The following MAGI1 variants were observed in gnomAD, a reference collection of about 807,000 sequenced individuals.
MAGI1 encodes the protein membrane-associated guanylate kinase, WW and PDZ domain-containing protein 1.
In MAGI1, 58 loss-of-function variants were observed where a neutral mutation model predicts 139.9. That is an observed-to-expected ratio of 0.41 (90% CI 0.34 to 0.52). The LOEUF (loss-of-function observed/expected upper bound fraction) is 0.52. Among genes scored for constraint, MAGI1 ranks in the 20% least tolerant of loss-of-function variants. MAGI1 has a pLI of 0.12. For synonymous variants in MAGI1, 812 were observed against 737.9 expected, an observed-to-expected ratio of 1.10 and a Z score of -1.63; for missense variants, 1,874 against 1,901.6, an observed-to-expected ratio of 0.99 and a Z score of 0.27.
At chr3:65,363,966 T>C (rs1285326295) in intron 20 of MAGI1, among the ~76,000 whole-genome samples, 1 of 152,032 alleles carries the variant, frequency 6.6e-6, no homozygotes, top group Non-Finnish European at 1.5e-5. Context: ...GTGCCCATCA[T>C]GAGGATACCA....
rs146306962 is a variant in MAGI1, at chr3:65,430,109, A to G, written c.1578T>C (p.Cys526=). The change falls in exon 12 of 23, where the codon TGT becomes TGC. Residue 526 remains cysteine, a synonymous_variant. Coordinates refer to ENST00000402939, the MANE Select transcript of MAGI1 (RefSeq NM_001033057.2). ...GDVIVSVNDT[C]VLGHTHAQVV... ...CTTGAGCATGTGTGTGTCCCAAAACACAGGTGTCATTCACACTTACAATCA... is the reference window on the plus strand; with the variant it reads ...CTTGAGCATGTGTGTGTCCCAAAACGCAGGTGTCATTCACACTTACAATCA... 87 of 1,613,512 alleles carry G rather than the reference A, an allele frequency of 5.4e-5. No homozygotes were observed. Among genetic ancestry groups the G allele is most frequent in the Non-Finnish European group, 6.7e-5 (79 of 1,179,720 alleles).
intron 1 of MAGI1, among the ~76,000 whole-genome samples, chr3:65,692,734 G>C (rs927621376): frequency 2.0e-5 from 3 of 152,124 alleles, no homozygotes; most frequent in Non-Finnish European, 2.9e-5. Flanking sequence ...GTTATCGAGG[G>C]AGTGGGTGAG....
intron 1 of MAGI1, among the ~76,000 whole-genome samples, chr3:65,821,675 A>G (rs572325841): frequency 3.3e-5 from 5 of 152,310 alleles, no homozygotes; most frequent in African/African-American, 1.2e-4. Context: ...ATCACTCCGA[A>G]CCTACAGCCA....
intron 1 of MAGI1, among the ~76,000 whole-genome samples, chr3:65,666,743 T>G (rs372266590): frequency 6.6e-6 from 1 of 152,184 alleles, no homozygotes. Context: ...CTCCCCCTCA[T>G]GGCCATCTCC....
intron 1 of MAGI1, among the ~76,000 whole-genome samples, chr3:65,677,165 G>C (rs1448911024): frequency 1.3e-5 from 2 of 152,176 alleles, no homozygotes; most frequent in Non-Finnish European, 2.9e-5. Context: ...TTAGAGTTCA[G>C]ACTAGGCTAA....
At position 65,478,593 on chromosome 3, in the gene MAGI1, T is replaced by C. The variant is rs1162757820; in HGVS notation, c.756A>G (p.Thr252=). The C allele has an allele frequency of 1.2e-6, 2 of 1,613,754 alleles. No individual in the cohort carries two copies. ...AGGGCAACATGATCTGACCTTTACCTGTAAAGCTGCTGTTCATTTCAGGAA... is the reference window on the plus strand; with the variant it reads ...AGGGCAACATGATCTGACCTTTACCCGTAAAGCTGCTGTTCATTTCAGGAA... ...DDVPEMNSSF[T]ADSGEQEEHT... is the part of the protein sequence containing the mutation. The change falls in exon 4 of 23, where the codon ACA becomes ACG. Residue 252 remains threonine, a splice_region_variant and synonymous_variant. Transcript: ENST00000402939.
chr3:65,656,162 G>GAA (rs573188687), intron 1 of MAGI1, among the ~76,000 whole-genome samples: 1 of 146,496 alleles, frequency 6.8e-6, no homozygotes, highest in Non-Finnish European at 1.5e-5. Context: ...TGTTAAATTT[G>GAA]AAAAAAAAAA....
rs141936603 is a variant in MAGI1, at chr3:65,367,523, A to C, written c.3197-2577T>G. Among the ~76,000 whole-genome samples, 81 of 152,262 alleles carry C rather than the reference A, an allele frequency of 5.3e-4. No homozygotes were observed. In the East Asian group the frequency reaches 0.013, roughly 24 times the overall value. On this transcript the variant is annotated intron_variant, in intron 18 of 22. Transcript: ENST00000402939. ...ATTTTCCTCATTTGTTGTTTATCTT[A>C]ATCTATGAAGCACCACCATTTAAGG...
At chr3:65,693,641 C>T (rs2088874979) in intron 1 of MAGI1, among the ~76,000 whole-genome samples, 1 of 152,168 alleles carries the variant, frequency 6.6e-6, no homozygotes, top group African/African-American at 2.4e-5. Context: ...CCAAAGGCGG[C>T]CTGATCCAAG....
intron 18 of MAGI1, among the ~76,000 whole-genome samples, chr3:65,374,258 C>G (rs925740281): frequency 1.3e-5 from 2 of 150,460 alleles, no homozygotes; most frequent in African/African-American, 4.9e-5. Flanking sequence ...AGTGAATATT[C>G]AGGAACTAAT....
chr3:65,492,895 G>C (rs570886395), intron 3 of MAGI1, among the ~76,000 whole-genome samples: 12 of 152,038 alleles, frequency 7.9e-5, no homozygotes, highest in African/African-American at 2.9e-4. Context: ...TGGCTAACAC[G>C]GTGAAACCCT....
intron 1 of MAGI1, among the ~76,000 whole-genome samples, chr3:65,843,497 A>C (rs2058880765): frequency 6.6e-6 from 1 of 152,234 alleles, no homozygotes; most frequent in Non-Finnish European, 1.5e-5. Context: ...AAACTTGTGG[A>C]GTAAAGTAAA....
chr3:65,883,839 G>A lies in MAGI1; in HGVS notation c.313+154157C>T, dbSNP rs1024464028. On this transcript the variant is annotated intron_variant, in intron 1 of 22. Transcript: ENST00000402939. ...GTGTACACATGAATTGCCTGTGGGCGTTTTGCAAAATGTCACTCCCCCGAA... is the reference window on the plus strand; with the variant it reads ...GTGTACACATGAATTGCCTGTGGGCATTTTGCAAAATGTCACTCCCCCGAA... Among the ~76,000 whole-genome samples, 6 of 152,252 alleles carry A rather than the reference G, an allele frequency of 3.9e-5. No individual in the cohort carries two copies. In the East Asian group the frequency reaches 5.8e-4, roughly 15 times the overall value.
intron 1 of MAGI1, among the ~76,000 whole-genome samples, chr3:65,983,390 TC>T (rs1560080554): frequency 6.6e-6 from 1 of 152,188 alleles, no homozygotes; most frequent in Non-Finnish European, 1.5e-5. Flanking sequence ...AATGAGACTC[TC>T]CGAGGCCTCT....
chr3:65,705,418 A>C (rs972285682), intron 1 of MAGI1, among the ~76,000 whole-genome samples: 21 of 152,230 alleles, frequency 1.4e-4, no homozygotes, highest in African/African-American at 5.1e-4. Flanking sequence ...TTATCCCTTA[A>C]AAAAGCAACT....
At chr3:65,514,253 G>C (rs1445934213) in intron 2 of MAGI1, among the ~76,000 whole-genome samples, 1 of 147,646 alleles carries the variant, frequency 6.8e-6, no homozygotes. Flanking sequence ...CATGGGCAAG[G>C]ACTTCATGTC....
chr3:65,354,037 A>G lies in MAGI1; in HGVS notation c.*2341T>C, dbSNP rs1940099093. ...GTTAACTTCAGGATATATTCCCAAA[A>G]TCCACCTTGATTTCATTTATTTAAA... On this transcript the variant is annotated 3_prime_UTR_variant, in exon 23 of 23. Transcript: ENST00000402939. 6.6e-6 allele frequency: 1 copy of G among 152,198 alleles called. No homozygotes were observed. The highest frequency in any genetic ancestry group is 1.5e-5 in the Non-Finnish European group (1 of 68,030). The allele number at this position is 152,198 out of a possible 1,614,324, so 9.4% of individuals were successfully genotyped here.
intron 1 of MAGI1, among the ~76,000 whole-genome samples, chr3:65,684,182 A>G (rs552894070): frequency 4.4e-4 from 66 of 150,096 alleles, no homozygotes; most frequent in South Asian, 1.3e-3. Flanking sequence ...AAAAAAAAAA[A>G]AAAAGAAAAG....
intron 1 of MAGI1, among the ~76,000 whole-genome samples, chr3:65,721,490 C>A (rs1014070657): frequency 6.6e-6 from 1 of 152,194 alleles, no homozygotes; most frequent in Non-Finnish European, 1.5e-5. Context: ...ACTTGACATT[C>A]AAGTTCACCA....
Sources: gnomAD v4.1 joint callset for allele counts (sites outside exome capture counted in the v4.1 genomes callset) on GRCh38, gnomAD v4.1.1 for gene constraint, MANE v1.5 for transcripts, NCBI Gene and HGNC (gene_info 2026-07-23, HGNC 2026-07-21) for gene names.